EPHA6: variants seen among roughly 807,000 people sequenced by gnomAD.
EPHA6 encodes ephrin type-A receptor 6.
Under a neutral mutation model 112.0 loss-of-function variants are expected in EPHA6, and 50 were observed. That is an observed-to-expected ratio of 0.45 (90% confidence interval 0.36 to 0.56). EPHA6 has a LOEUF of 0.56. Among genes scored for constraint, EPHA6 ranks in the 20% least tolerant of loss-of-function variants. The probability of loss-of-function intolerance (pLI) is 0.00; values close to 1 mark genes in which losing one functional copy is unlikely to be tolerated. For missense variants in EPHA6, 1,280 were observed against 1,417.4 expected (o/e 0.90, Z 1.56); for synonymous variants, 529 against 490.7 (o/e 1.08, Z -1.03).
chr3:97,134,433 G>GT (rs1455596065), intron 3 of EPHA6, among the ~76,000 whole-genome samples: 3 of 152,096 alleles, frequency 2.0e-5, no homozygotes, highest in African/African-American at 7.2e-5. Context: ...GGCTACTGGT[G>GT]TATGTGCAAA....
intron 3 of EPHA6, among the ~76,000 whole-genome samples, chr3:97,145,550 AT>A (rs750246669): frequency 4.6e-5 from 7 of 151,022 alleles, no homozygotes; most frequent in Non-Finnish European, 1.0e-4. Context: ...AAAAAAAAAC[AT>A]TTTAATGCAT....
Position 97,756,842 on chromosome 3 carries a change from G to A in EPHA6, c.*8141G>A, listed in dbSNP as rs984643509. Among the ~76,000 whole-genome samples the A allele has an allele frequency of 6.6e-6, 1 of 151,822 alleles. No individual in the cohort carries two copies. Among genetic ancestry groups the A allele is most frequent in the African/African-American group, 2.4e-5 (1 of 41,492 alleles). ...TTTTGGATACATTATTATTCATTTT[G>A]TTAGTCACATTCCACCTTGGATTGT... On this transcript the variant is annotated 3_prime_UTR_variant, in exon 18 of 18. Transcript: ENST00000389672.
chr3:97,112,257 C>A (rs747672680), intron 3 of EPHA6, among the ~76,000 whole-genome samples: 1 of 152,054 alleles, frequency 6.6e-6, no homozygotes, highest in Non-Finnish European at 1.5e-5. Flanking sequence ...TATTTTGAGA[C>A]GTTCAAAAGG....
intron 14 of EPHA6, among the ~76,000 whole-genome samples, chr3:97,643,493 T>G (rs1199011610): frequency 1.3e-5 from 2 of 149,288 alleles, no homozygotes; most frequent in African/African-American, 2.5e-5. Flanking sequence ...AGACACAGAC[T>G]GGCAAATTGG....
intron 11 of EPHA6, among the ~76,000 whole-genome samples, chr3:97,558,348 A>C (rs901321774): frequency 6.6e-6 from 1 of 152,170 alleles, no homozygotes; most frequent in Non-Finnish European, 1.5e-5. Context: ...TTCCAAAGAC[A>C]GTCTCAGGAT....
At chr3:96,937,693 C>G (rs1018856235) in intron 2 of EPHA6, among the ~76,000 whole-genome samples, 1 of 152,024 alleles carries the variant, frequency 6.6e-6, no homozygotes. Context: ...ATGCCTATGT[C>G]CTGAATGGTA....
intron 1 of EPHA6, among the ~76,000 whole-genome samples, chr3:96,829,982 C>CACACACAT (rs771678119): frequency 0.024 from 3,553 of 148,216 alleles, 54 homozygotes; most frequent in Middle Eastern, 0.052. Context: ...CACACACACA[C>CACACACAT]ACACACAGAA....
chr3:97,226,141 T>C, intron 3 of EPHA6, 123 bp from the exon 4 acceptor site: 2 of 666,286 alleles, frequency 3.0e-6, no homozygotes, highest in South Asian at 3.1e-5. Flanking sequence ...ATGTCTTCTC[T>C]ATGTATGTGT....
At chr3:96,952,375 G>A (rs1330034501) in intron 2 of EPHA6, among the ~76,000 whole-genome samples, 1 of 152,110 alleles carries the variant, frequency 6.6e-6, no homozygotes, top group African/African-American at 2.4e-5. Flanking sequence ...GATCGTGAAG[G>A]CTTTACCCTC....
intron 3 of EPHA6, among the ~76,000 whole-genome samples, chr3:97,134,040 T>TA (rs1233351429): frequency 5.3e-5 from 8 of 151,586 alleles, no homozygotes; most frequent in East Asian, 1.9e-4. Flanking sequence ...CATGAAATTT[T>TA]AAAAAAAAGA....
intron 11 of EPHA6, among the ~76,000 whole-genome samples, chr3:97,545,791 G>C (rs975715148): frequency 6.6e-6 from 1 of 152,194 alleles, no homozygotes; most frequent in African/African-American, 2.4e-5. Flanking sequence ...AGCTCTTCTT[G>C]CTGAATTAAT....
chr3:97,510,537 G>A (rs2092345154), intron 10 of EPHA6, among the ~76,000 whole-genome samples: 1 of 152,170 alleles, frequency 6.6e-6, no homozygotes. Flanking sequence ...AGCAAATATT[G>A]CTGCCTCTTC....
intron 5 of EPHA6, among the ~76,000 whole-genome samples, chr3:97,289,512 T>C (rs560149101): frequency 3.9e-5 from 6 of 152,316 alleles, no homozygotes; most frequent in African/African-American, 1.4e-4. Flanking sequence ...TTGGGTAATG[T>C]GATGCTTCTG....
At chr3:97,358,883 T>C (rs2084220229) in intron 5 of EPHA6, among the ~76,000 whole-genome samples, 1 of 152,130 alleles carries the variant, frequency 6.6e-6, no homozygotes, top group South Asian at 2.1e-4. Context: ...CCCACTGACT[T>C]CTGGCCTCCA....
intron 3 of EPHA6, among the ~76,000 whole-genome samples, chr3:97,073,263 C>T (rs1374492720): frequency 6.6e-6 from 1 of 152,114 alleles, no homozygotes; most frequent in Non-Finnish European, 1.5e-5. Context: ...TCATCAAACC[C>T]ATTCCTTCAT....
intron 7 of EPHA6, among the ~76,000 whole-genome samples, chr3:97,467,048 C>T (rs1213634419): frequency 6.6e-6 from 1 of 151,806 alleles, no homozygotes; most frequent in African/African-American, 2.4e-5. Flanking sequence ...GACCTTCACA[C>T]ATACCTCCAT....
At chr3:97,098,527 G>T (rs190035770) in intron 3 of EPHA6, among the ~76,000 whole-genome samples, 1 of 151,904 alleles carries the variant, frequency 6.6e-6, no homozygotes, top group East Asian at 1.9e-4. Flanking sequence ...AGAAGGATTT[G>T]AGTACATTTT....
intron 3 of EPHA6, among the ~76,000 whole-genome samples, chr3:97,014,858 G>T (rs1301134906): frequency 1.3e-5 from 2 of 152,112 alleles, no homozygotes; most frequent in Non-Finnish European, 2.9e-5. Flanking sequence ...GATGGCCATG[G>T]AGTAGTGGTA....
chr3:97,605,731 G>A (rs1383892713), intron 12 of EPHA6, among the ~76,000 whole-genome samples: 2 of 151,554 alleles, frequency 1.3e-5, no homozygotes, highest in Non-Finnish European at 3.0e-5. Flanking sequence ...GGCTATCTGG[G>A]TTCTTTATGG....
Sources: gnomAD v4.1 joint callset for allele counts (sites outside exome capture counted in the v4.1 genomes callset) on GRCh38, gnomAD v4.1.1 for gene constraint, MANE v1.5 for transcripts, NCBI Gene and HGNC (gene_info 2026-07-23, HGNC 2026-07-21) for gene names.